Variants in NHEJ1 observed in about 807,000 individuals in gnomAD.
The protein encoded by NHEJ1 is non-homologous end joining factor 1.
A neutral mutation model predicts 39.4 loss-of-function variants in NHEJ1; 22 were observed. That is an observed-to-expected ratio of 0.56 (90% CI 0.40 to 0.80). The LOEUF is 0.80. NHEJ1 is among the 30% of genes least tolerant of loss of function. NHEJ1 has a pLI of 0.00. For synonymous variants in NHEJ1, 154 were observed against 135.6 expected, an observed-to-expected ratio of 1.14 and a Z score of -0.94; for missense variants, 329 against 357.1, an observed-to-expected ratio of 0.92 and a Z score of 0.63.
In NHEJ1 at chr2:219,157,542, C is replaced by T. The variant is rs770534945; in HGVS notation, c.320G>A (p.Arg107Gln). Residue 107 changes from arginine to glutamine, a missense_variant, in exon 3 of 8, where the codon CGG (arginine) becomes CAG (glutamine). Physicochemically the swap from Arg to Gln is conservative, Grantham distance 43. Coordinates refer to ENST00000356853, the MANE Select transcript of NHEJ1 (RefSeq NM_024782.3). The part of the protein sequence containing the change: ...CDCVADALIL[R>Q]VRSELSGLPF... ...GAGGCCAGAGAGCTCACTTCGCACC[C>T]GTAGAATCAGTGCATCTGCCACACA... 10 of 1,614,022 alleles carry T rather than the reference C, an allele frequency of 6.2e-6. No homozygotes were observed. The East Asian group carries it at 8.9e-5, about 14-fold the overall frequency.
At chr2:219,134,611 G>A (rs1374287006) in intron 5 of NHEJ1, among the ~76,000 whole-genome samples, 1 of 152,030 alleles carries the variant, frequency 6.6e-6, no homozygotes, top group Non-Finnish European at 1.5e-5. Context: ...CCATTCTCAT[G>A]GCATCAAATA....
intron 5 of NHEJ1, among the ~76,000 whole-genome samples, chr2:219,095,090 ACCAAGGTATGTGGAAGACTGTATTGGTC>A (rs1449060627): frequency 6.6e-6 from 1 of 152,130 alleles, no homozygotes; most frequent in Non-Finnish European, 1.5e-5. Flanking sequence ...GAAAAGACTG[ACCAAGGTATGTGGAAGACTGTATTGGTC>A]CCATCCTAGA....
intron 5 of NHEJ1, among the ~76,000 whole-genome samples, chr2:219,104,452 CCCTTA>C (rs1171328745): frequency 6.6e-6 from 1 of 152,126 alleles, no homozygotes; most frequent in Admixed American, 6.5e-5. Context: ...CCAGGGTGTT[CCCTTA>C]CAAGAGGGTG....
At chr2:219,120,289 G>T (rs1949459154) in intron 5 of NHEJ1, among the ~76,000 whole-genome samples, 1 of 152,064 alleles carries the variant, frequency 6.6e-6, no homozygotes, top group Non-Finnish European at 1.5e-5. Flanking sequence ...AGTCACACAA[G>T]GTCCATACTC....
intron 5 of NHEJ1, chr2:219,125,367 C>T (rs1283764476): frequency 6.6e-6 from 1 of 152,266 alleles, no homozygotes; most frequent in Non-Finnish European, 1.5e-5. Context: ...ACACTGGGAT[C>T]ACCTTCACCC....
intron 5 of NHEJ1, among the ~76,000 whole-genome samples, chr2:219,087,075 T>C (rs1299700561): frequency 6.6e-6 from 1 of 152,108 alleles, no homozygotes; most frequent in Non-Finnish European, 1.5e-5. Flanking sequence ...CATTCCTTCT[T>C]TTCTCTACTC....
rs1574697770 is a variant in NHEJ1, at chr2:219,077,372, C to T, written c.707-8G>A. The T allele has an allele frequency of 6.3e-7, 1 of 1,591,078 alleles. No homozygotes were observed. Among genetic ancestry groups the T allele is most frequent in the Non-Finnish European group, 8.6e-7 (1 of 1,159,026 alleles). On this transcript the variant is annotated splice_region_variant and splice_polypyrimidine_tract_variant and intron_variant, in intron 6 of 7. Transcript: ENST00000356853. ...TTGAGGTATGAGGATCTCCTGAAAT[C>T]AGAAAGATCAAGAGAAGATAGTGAT... is the stretch of plus-strand genomic sequence containing the variant.
At chr2:219,128,811 C>T (rs912062727) in intron 5 of NHEJ1, among the ~76,000 whole-genome samples, 1 of 152,198 alleles carries the variant, frequency 6.6e-6, no homozygotes, top group Non-Finnish European at 1.5e-5. Flanking sequence ...CCACCACTTC[C>T]TCAGTTCGAG....
chr2:219,135,081 A>T (rs1376105686), intron 5 of NHEJ1, among the ~76,000 whole-genome samples: 2 of 149,088 alleles, frequency 1.3e-5, no homozygotes, highest in African/African-American at 4.9e-5. Context: ...TGTGAAAAAA[A>T]TCTTCATCTT....
intron 3 of NHEJ1, among the ~76,000 whole-genome samples, chr2:219,155,382 C>G (rs904588746): frequency 6.6e-6 from 1 of 151,908 alleles, no homozygotes; most frequent in African/African-American, 2.4e-5. Context: ...CTGGTCAACA[C>G]AGAGAGACCC....
intron 5 of NHEJ1, among the ~76,000 whole-genome samples, chr2:219,115,079 G>A (rs1484537470): frequency 1.3e-5 from 2 of 152,062 alleles, no homozygotes; most frequent in Non-Finnish European, 1.5e-5. Context: ...CGGTCTTCTA[G>A]GAGGTTGGGG....
At chr2:219,096,354 A>G (rs73991034) in intron 5 of NHEJ1, among the ~76,000 whole-genome samples, 2,452 of 152,326 alleles carry the variant, frequency 0.016, 67 homozygotes, top group African/African-American at 0.056. Context: ...TTGCTCCGCA[A>G]TCATGCCTAA....
chr2:219,133,796 C>G (rs756393494), intron 5 of NHEJ1, among the ~76,000 whole-genome samples: 11 of 152,174 alleles, frequency 7.2e-5, no homozygotes, highest in Non-Finnish European at 1.0e-4. Context: ...ATGCAGAAAT[C>G]TACTAATCTA....
chr2:219,138,239 T>C (rs2106355972), intron 5 of NHEJ1, among the ~76,000 whole-genome samples: 1 of 152,348 alleles, frequency 6.6e-6, no homozygotes, highest in East Asian at 1.9e-4. Flanking sequence ...TTTTGACTTT[T>C]GAGGTGTTAG....
At chr2:219,103,795 G>A (rs1949288925) in intron 5 of NHEJ1, among the ~76,000 whole-genome samples, 1 of 152,140 alleles carries the variant, frequency 6.6e-6, no homozygotes, top group Non-Finnish European at 1.5e-5. Context: ...GTTTCTCAAA[G>A]TCACACAGCT....
chr2:219,117,630 T>A (rs748336695), intron 5 of NHEJ1, among the ~76,000 whole-genome samples: 17 of 152,232 alleles, frequency 1.1e-4, no homozygotes, highest in Non-Finnish European at 2.9e-5. Context: ...AACCACGAAC[T>A]CAGAATCAGA....
chr2:219,136,734 C>T (rs1949633681), intron 5 of NHEJ1, among the ~76,000 whole-genome samples: 1 of 151,912 alleles, frequency 6.6e-6, no homozygotes, highest in Non-Finnish European at 1.5e-5. Flanking sequence ...TCCTGAGTAG[C>T]TGGGATTACA....
intron 3 of NHEJ1, among the ~76,000 whole-genome samples, chr2:219,148,246 G>C (rs1027658019): frequency 6.6e-6 from 1 of 151,982 alleles, no homozygotes. Flanking sequence ...GTGACAGAGT[G>C]AGACTCTTTC....
At chr2:219,132,504 A>G (rs1022641330) in intron 5 of NHEJ1, among the ~76,000 whole-genome samples, 1 of 152,222 alleles carries the variant, frequency 6.6e-6, no homozygotes, top group Non-Finnish European at 1.5e-5. Context: ...ATCAAATTAG[A>G]AGGGGTTCTC....
Sources: gnomAD v4.1 joint callset for allele counts (sites outside exome capture counted in the v4.1 genomes callset) on GRCh38, gnomAD v4.1.1 for gene constraint, MANE v1.5 for transcripts, NCBI Gene and HGNC (gene_info 2026-07-23, HGNC 2026-07-21) for gene names.